Variants in SBF2 observed in about 807,000 individuals in gnomAD.
SBF2 encodes the protein SET binding factor 2, also known as myotubularin-related protein 13.
Under a neutral mutation model 225.2 loss-of-function variants are expected in SBF2, and 112 were observed. The ratio of observed to expected loss-of-function variants is 0.50; its 90% CI spans 0.43 to 0.58. The LOEUF (loss-of-function observed/expected upper bound fraction) is 0.58. Among genes scored for constraint, SBF2 ranks in the 20% least tolerant of loss-of-function variants. SBF2 has a pLI of 0.00. For synonymous variants in SBF2, 763 were observed against 773.3 expected (o/e 0.99, Z 0.22); for missense variants, 1,996 against 2,206.2 (o/e 0.90, Z 1.91).
At chr11:10,073,099 T>C (rs565979652) in intron 2 of SBF2, among the ~76,000 whole-genome samples, 49 of 152,152 alleles carry the variant, frequency 3.2e-4, no homozygotes, top group Middle Eastern at 6.8e-3. Flanking sequence ...GGCCAATATA[T>C]AATGTGATCT....
intron 38 of SBF2, among the ~76,000 whole-genome samples, chr11:9,781,891 A>G (rs1852031628): frequency 6.6e-6 from 1 of 152,224 alleles, no homozygotes; most frequent in African/African-American, 2.4e-5. Flanking sequence ...ATCTTAAAAA[A>G]TAGAATCAAG....
chr11:10,276,665 T>A (rs1351313497), intron 1 of SBF2, among the ~76,000 whole-genome samples: 3 of 152,210 alleles, frequency 2.0e-5, no homozygotes, highest in Non-Finnish European at 4.4e-5. Context: ...GGACAAATTA[T>A]TTTACCTTTA....
At chr11:9,800,340 C>T (rs1263340151) in intron 32 of SBF2, among the ~76,000 whole-genome samples, 2 of 152,056 alleles carry the variant, frequency 1.3e-5, no homozygotes, top group Non-Finnish European at 2.9e-5. Flanking sequence ...ATATTTTCTC[C>T]CACTGTGTGA....
At chr11:9,821,470 G>A (rs1012160351) in intron 28 of SBF2, among the ~76,000 whole-genome samples, 1 of 152,144 alleles carries the variant, frequency 6.6e-6, no homozygotes, top group African/African-American at 2.4e-5. Context: ...GGCCAGCAGG[G>A]AGCTTTGAGA....
At chr11:9,852,089 T>G (rs1415872234) in intron 21 of SBF2, among the ~76,000 whole-genome samples, 3 of 152,194 alleles carry the variant, frequency 2.0e-5, no homozygotes, top group Non-Finnish European at 4.4e-5. Context: ...TTTGTTTTTG[T>G]TCTATTATAA....
intron 16 of SBF2, among the ~76,000 whole-genome samples, chr11:9,934,280 G>C (rs911057214): frequency 1.3e-5 from 2 of 152,108 alleles, no homozygotes; most frequent in Non-Finnish European, 2.9e-5. Flanking sequence ...TCTCTGAATA[G>C]ACCAGTAACA....
At chr11:9,924,332 C>G (rs765630763) in intron 16 of SBF2, among the ~76,000 whole-genome samples, 3 of 152,092 alleles carry the variant, frequency 2.0e-5, no homozygotes, top group Non-Finnish European at 4.4e-5. Context: ...TGATTCTGCC[C>G]AACTGTAGGC....
intron 6 of SBF2, among the ~76,000 whole-genome samples, chr11:10,017,288 A>C (rs1224261229): frequency 2.6e-5 from 4 of 152,230 alleles, no homozygotes; most frequent in African/African-American, 9.6e-5. Flanking sequence ...TTTCAAATGG[A>C]TAAACAGTGG....
At chr11:9,837,011 T>C (rs1855770113) in intron 26 of SBF2, among the ~76,000 whole-genome samples, 2 of 152,174 alleles carry the variant, frequency 1.3e-5, no homozygotes, top group African/African-American at 2.4e-5. Flanking sequence ...ATTTTCTACA[T>C]GTGCATTTTG....
intron 33 of SBF2, among the ~76,000 whole-genome samples, chr11:9,791,673 A>G (rs1191591289): frequency 2.0e-5 from 3 of 152,230 alleles, no homozygotes; most frequent in African/African-American, 7.2e-5. Context: ...TAAAAGTTCA[A>G]GTAACTCCAA....
In SBF2 at chr11:10,044,235, C is replaced by A. The variant is rs192924879; in HGVS notation, c.142-1254G>T. On this transcript the variant is annotated intron_variant, in intron 2 of 39. Transcript: ENST00000256190. ...TTGAAAAGCTCAATAAGCCTCTAGC[C>A]AGGCTAATTAAGAAAAAAAAAAAAA... Among the ~76,000 whole-genome samples the A allele has an allele frequency of 2.1e-3, 311 of 149,344 alleles. 1 individual carries two copies. The highest frequency in any genetic ancestry group is 3.6e-3 in the Non-Finnish European group (241 of 67,508).
At chr11:10,272,291 C>T (rs1345814938) in intron 1 of SBF2, 2 of 1,022,890 alleles carry the variant, frequency 2.0e-6, no homozygotes, top group Non-Finnish European at 2.8e-6. Context: ...GGGGCTGCAG[C>T]AATCTTGATT....
chr11:10,141,338 G>C (rs950274673), intron 2 of SBF2, among the ~76,000 whole-genome samples: 5 of 152,136 alleles, frequency 3.3e-5, no homozygotes, highest in African/African-American at 1.2e-4. Context: ...TTTAAAGAAG[G>C]AGTCATTAGA....
intron 2 of SBF2, among the ~76,000 whole-genome samples, chr11:10,151,884 T>C (rs1195482982): frequency 6.6e-6 from 1 of 152,232 alleles, no homozygotes; most frequent in Non-Finnish European, 1.5e-5. Context: ...TAGTCAACAT[T>C]AATCAACTAT....
At chr11:10,004,376 T>TATTG (rs1187695909) in intron 6 of SBF2, among the ~76,000 whole-genome samples, 1 of 151,964 alleles carries the variant, frequency 6.6e-6, no homozygotes, top group Non-Finnish European at 1.5e-5. Context: ...AATGAGCTAG[T>TATTG]ATTGTATGTA....
At chr11:10,140,443 A>G (rs1449036237) in intron 2 of SBF2, among the ~76,000 whole-genome samples, 4 of 152,186 alleles carry the variant, frequency 2.6e-5, no homozygotes, top group African/African-American at 7.2e-5. Flanking sequence ...ACGAGGTTTC[A>G]AGAGATTCTG....
chr11:10,034,784 A>T (rs1439036596), intron 3 of SBF2, among the ~76,000 whole-genome samples: 1 of 152,236 alleles, frequency 6.6e-6, no homozygotes, highest in Non-Finnish European at 1.5e-5. Context: ...AAGCAATTTA[A>T]GAACTTAAAA....
At chr11:9,996,514 T>C (rs61877015) in intron 9 of SBF2, among the ~76,000 whole-genome samples, 3 of 152,192 alleles carry the variant, frequency 2.0e-5, no homozygotes, top group Non-Finnish European at 4.4e-5. Flanking sequence ...CTCAGCCTCC[T>C]GAGTAGCTGG....
chr11:9,809,782 G>T (rs1854072212), intron 30 of SBF2, among the ~76,000 whole-genome samples: 1 of 151,970 alleles, frequency 6.6e-6, no homozygotes, highest in Non-Finnish European at 1.5e-5. Flanking sequence ...CTGACCTCAG[G>T]TAATCCACCT....
Sources: gnomAD v4.1 joint callset for allele counts (sites outside exome capture counted in the v4.1 genomes callset) on GRCh38, gnomAD v4.1.1 for gene constraint, MANE v1.5 for transcripts, NCBI Gene and HGNC (gene_info 2026-07-23, HGNC 2026-07-21) for gene names.